The following KIAA1217 variants were observed in gnomAD, a reference collection of about 807,000 sequenced individuals.
KIAA1217 encodes KIAA1217.
A neutral mutation model predicts 163.9 loss-of-function variants in KIAA1217; 88 were observed. The observed-to-expected ratio is 0.54, with a 90% CI of 0.45 to 0.64. The LOEUF (loss-of-function observed/expected upper bound fraction) is 0.64, where lower values mean the gene tolerates loss of function less well. Ranked by LOEUF, KIAA1217 falls within the 30% of genes least tolerant of loss-of-function variation. The pLI is 0.00. For missense variants in KIAA1217, 2,372 were observed against 2,475.0 expected (o/e 0.96, Z 0.88); for synonymous variants, 903 against 923.1 (o/e 0.98, Z 0.39).
chr10:24,370,823 C>G (rs12262588), intron 2 of KIAA1217, among the ~76,000 whole-genome samples: 23,606 of 152,176 alleles, frequency 0.16, 2,075 homozygotes, highest in South Asian at 0.3. Flanking sequence ...ATTTATCCTC[C>G]TGCCTCAGCC....
intron 2 of KIAA1217, among the ~76,000 whole-genome samples, chr10:24,065,352 T>G (rs1361964573): frequency 2.6e-5 from 4 of 152,224 alleles, no homozygotes; most frequent in Admixed American, 1.3e-4. Context: ...GTCTTTGTTC[T>G]CGTTGGTTTC....
chr10:24,056,658 A>G (rs2060542413), intron 2 of KIAA1217, among the ~76,000 whole-genome samples: 1 of 152,218 alleles, frequency 6.6e-6, no homozygotes, highest in African/African-American at 2.4e-5. Context: ...ATTCCAACAG[A>G]TGAAGGTCCG....
chr10:24,054,997 T>C (rs1589318653), intron 2 of KIAA1217, among the ~76,000 whole-genome samples: 1 of 152,196 alleles, frequency 6.6e-6, no homozygotes, highest in East Asian at 1.9e-4. Context: ...CTGGGCATGG[T>C]GGCTCATACC....
At chr10:23,738,823 A>C (rs1252791127) in intron 1 of KIAA1217, among the ~76,000 whole-genome samples, 1 of 142,272 alleles carries the variant, frequency 7.0e-6, no homozygotes, top group African/African-American at 2.7e-5. Flanking sequence ...TAGTGAACAA[A>C]ACAGGCAAAA....
intron 2 of KIAA1217, among the ~76,000 whole-genome samples, chr10:24,155,252 G>A (rs2131869677): frequency 6.6e-6 from 1 of 152,170 alleles, no homozygotes; most frequent in Middle Eastern, 3.4e-3. Flanking sequence ...TTGACAAATG[G>A]CTGTCCGTAA....
In KIAA1217 at chr10:24,286,614, A is replaced by G. The variant is rs76113077; in HGVS notation, c.354+66705A>G. The stretch of plus-strand genomic sequence containing the variant: ...AATTTGATGGGAAACGAGGCAGAAA[A>G]TTTCAAGGACATTATCCCCTTTATA... On this transcript the variant is annotated intron_variant, in intron 2 of 20. Coordinates refer to ENST00000376454, the MANE Select transcript of KIAA1217 (RefSeq NM_019590.5). 9.5e-3 allele frequency among the ~76,000 whole-genome samples: 1,441 copies of G among 152,244 alleles called. 29 individuals are homozygous for G. The highest frequency in any genetic ancestry group is 0.084 in the East Asian group (434 of 5,176).
chr10:24,217,584 T>C (rs1441355776), intron 1 of KIAA1217, among the ~76,000 whole-genome samples: 2 of 152,206 alleles, frequency 1.3e-5, no homozygotes, highest in Admixed American at 1.3e-4. Context: ...CCAACGGGCA[T>C]CTATACCTAG....
At chr10:23,840,675 A>G (rs1180455246) in intron 1 of KIAA1217, among the ~76,000 whole-genome samples, 2 of 152,156 alleles carry the variant, frequency 1.3e-5, no homozygotes, top group Admixed American at 1.3e-4. Context: ...GCTTTCCCCT[A>G]CTTATTACAT....
intron 3 of KIAA1217, among the ~76,000 whole-genome samples, chr10:24,421,382 A>G (rs1043395397): frequency 1.3e-5 from 2 of 152,180 alleles, no homozygotes; most frequent in Non-Finnish European, 2.9e-5. Context: ...CTATATATTG[A>G]TCCTGTATCA....
At chr10:24,409,553 A>T (rs2057550381) in intron 3 of KIAA1217, among the ~76,000 whole-genome samples, 2 of 152,214 alleles carry the variant, frequency 1.3e-5, no homozygotes, top group South Asian at 4.1e-4. Context: ...TCCATATATC[A>T]AAACTTACCA....
intron 2 of KIAA1217, among the ~76,000 whole-genome samples, chr10:24,259,496 T>C (rs1295433356): frequency 1.3e-5 from 2 of 152,210 alleles, no homozygotes; most frequent in East Asian, 3.9e-4. Flanking sequence ...GTGCTTGTGG[T>C]CCCCACTACT....
intron 1 of KIAA1217, among the ~76,000 whole-genome samples, chr10:23,850,041 A>G (rs1839234161): frequency 6.6e-6 from 1 of 152,092 alleles, no homozygotes; most frequent in African/African-American, 2.4e-5. Context: ...TTTAAACACA[A>G]TTTACAAATT....
chr10:23,869,677 T>C (rs920973660), intron 1 of KIAA1217, among the ~76,000 whole-genome samples: 1 of 152,104 alleles, frequency 6.6e-6, no homozygotes, highest in Non-Finnish European at 1.5e-5. Flanking sequence ...TCTGAGGTAG[T>C]TTCTTGAGTG....
chr10:24,336,381 T>A (rs1411249040), intron 2 of KIAA1217, among the ~76,000 whole-genome samples: 1 of 152,246 alleles, frequency 6.6e-6, no homozygotes, highest in Non-Finnish European at 1.5e-5. Context: ...TAGTTTTGCC[T>A]TTTGCTAAGT....
In KIAA1217 at chr10:24,536,834, G is replaced by A. The variant is rs773398317; in HGVS notation, c.3475G>A (p.Ala1159Thr). 2 of 1,613,992 alleles carry A rather than the reference G, an allele frequency of 1.2e-6. No individual in the cohort carries two copies. The highest frequency in any genetic ancestry group is 3.3e-5 in the Admixed American group (2 of 60,004). The stretch of plus-strand genomic sequence containing the variant: ...AAACAGTCATGCTGAGCCATCCCGG[G>A]CTGACAGTCACGTTAAAGACACTAG... ...NSNSHAEPSR[A>T]DSHVKDTRSG... Residue 1159 changes from alanine (A) to threonine (T), a missense_variant, in exon 17 of 21, where the codon GCT (alanine) becomes ACT (threonine). Ala to Thr is a moderately conservative substitution (Grantham distance 58, BLOSUM62 0). Transcript: ENST00000376454.
intron 1 of KIAA1217, among the ~76,000 whole-genome samples, chr10:23,868,171 T>A (rs191869600): frequency 4.6e-5 from 7 of 152,232 alleles, no homozygotes; most frequent in South Asian, 2.1e-4. Context: ...CATTTCCTGA[T>A]GGTTCAGCCC....
intron 3 of KIAA1217, among the ~76,000 whole-genome samples, chr10:24,404,700 A>C (rs2057006451): frequency 6.6e-6 from 1 of 152,154 alleles, no homozygotes; most frequent in Non-Finnish European, 1.5e-5. Flanking sequence ...TATTACTAGC[A>C]GCTTTGTTTG....
chr10:23,750,610 A>T (rs1340122123), intron 1 of KIAA1217, among the ~76,000 whole-genome samples: 2 of 152,192 alleles, frequency 1.3e-5, no homozygotes. Context: ...ATCACTAGAC[A>T]GAATGAATGC....
chr10:24,495,246 G>C, intron 8 of KIAA1217, 50 bp downstream of exon 8: 1 of 1,461,554 alleles, frequency 6.8e-7, no homozygotes, highest in Non-Finnish European at 9.5e-7. Flanking sequence ...TGCCTGGGAT[G>C]AGCCCTGGCT....
Sources: gnomAD v4.1 joint callset for allele counts (sites outside exome capture counted in the v4.1 genomes callset) on GRCh38, gnomAD v4.1.1 for gene constraint, MANE v1.5 for transcripts, NCBI Gene and HGNC (gene_info 2026-07-23, HGNC 2026-07-21) for gene names.